POLA1: variants seen among roughly 807,000 people sequenced by gnomAD.
POLA1 encodes the protein DNA polymerase alpha 1, catalytic subunit, also known as DNA polymerase alpha catalytic subunit.
A neutral mutation model predicts 124.0 loss-of-function variants in POLA1; 15 were observed. The observed-to-expected ratio is 0.12, with a 90% CI of 0.08 to 0.19. POLA1 has a LOEUF of 0.19. Among genes scored for constraint, POLA1 ranks in the 10% least tolerant of loss-of-function variants. POLA1 has a pLI of 1.00. For synonymous variants in POLA1, 408 were observed against 389.4 expected (o/e 1.05, Z -0.56); for missense variants, 886 against 1,103.4 (o/e 0.80, Z 2.79).
At chrX:24,741,054 G>A (rs1477473000) in intron 20 of POLA1, among the ~76,000 whole-genome samples, 1 of 109,683 alleles carries the variant, frequency 9.1e-6, no homozygotes, top group South Asian at 4.0e-4. Flanking sequence ...ATGAATGAAA[G>A]GATTTAGGTA....
chrX:24,810,366 A>G (rs1434235296), intron 27 of POLA1, among the ~76,000 whole-genome samples: 1 of 111,683 alleles, frequency 9.0e-6, no homozygotes, highest in Non-Finnish European at 1.9e-5. Context: ...CATGTGGTAC[A>G]GTGGATAAAT....
At chrX:24,986,682 T>C (rs1358749625) in intron 36 of POLA1, among the ~76,000 whole-genome samples, 1 of 109,912 alleles carries the variant, frequency 9.1e-6, no homozygotes, top group Non-Finnish European at 1.9e-5. Flanking sequence ...AGGAGTATGA[T>C]CATGCCACTG....
chrX:24,975,578 C>T (rs1161413844), intron 36 of POLA1, among the ~76,000 whole-genome samples: 2 of 112,106 alleles, frequency 1.8e-5, no homozygotes, highest in African/African-American at 3.2e-5. Context: ...TCTGTGGTAA[C>T]ATCACACATC....
chrX:24,995,390 G>A (rs982048386), intron 36 of POLA1, among the ~76,000 whole-genome samples: 3 of 112,219 alleles, frequency 2.7e-5, no homozygotes, highest in Admixed American at 1.9e-4. Context: ...AGTTGGGGCT[G>A]GAAGGCACCA....
At chrX:24,955,385 T>G (rs774430876) in intron 36 of POLA1, among the ~76,000 whole-genome samples, 2 of 109,019 alleles carry the variant, frequency 1.8e-5, no homozygotes, top group East Asian at 2.9e-4. Flanking sequence ...TTGCCATGTT[T>G]CCCAGGCTGA....
At chrX:24,783,385 C>T (rs1045307181) in intron 26 of POLA1, among the ~76,000 whole-genome samples, 21 of 111,658 alleles carry the variant, frequency 1.9e-4, no homozygotes, top group African/African-American at 6.5e-4. Flanking sequence ...AGAGCCCTGT[C>T]ACCTGAATTA....
chrX:24,806,968 G>A (rs1403769807), intron 26 of POLA1, among the ~76,000 whole-genome samples: 1 of 111,881 alleles, frequency 8.9e-6, no homozygotes, highest in Non-Finnish European at 1.9e-5. Flanking sequence ...GGTGAAAAAA[G>A]CAGTTGCGGC....
intron 26 of POLA1, among the ~76,000 whole-genome samples, chrX:24,771,567 A>G (rs111230788): frequency 0.011 from 1,262 of 111,539 alleles, 19 homozygotes; most frequent in African/African-American, 0.039. Context: ...AGAAGATGGA[A>G]GACAAGGAGT....
chrX:24,864,387 TC>T (rs1901159953), intron 34 of POLA1, among the ~76,000 whole-genome samples: 2 of 112,365 alleles, frequency 1.8e-5, no homozygotes, highest in South Asian at 7.3e-4. Flanking sequence ...GTAGTTAGCA[TC>T]CTATCCTATT....
intron 26 of POLA1, among the ~76,000 whole-genome samples, chrX:24,754,319 G>A (rs771923379): frequency 9.2e-6 from 1 of 109,153 alleles, no homozygotes; most frequent in Admixed American, 9.7e-5. Context: ...GTGCAATGGC[G>A]TGATCTCGGC....
At chrX:24,932,972 C>T (rs1231211046) in intron 36 of POLA1, among the ~76,000 whole-genome samples, 2 of 111,729 alleles carry the variant, frequency 1.8e-5, no homozygotes, top group East Asian at 5.6e-4. Context: ...TAACACATGA[C>T]ATCTGATAAG....
chrX:24,851,013 A>G (rs1444535976), intron 34 of POLA1, among the ~76,000 whole-genome samples: 2 of 111,553 alleles, frequency 1.8e-5, no homozygotes, highest in Non-Finnish European at 3.8e-5. Flanking sequence ...TCCCTCTCAC[A>G]TCCATTTAGA....
chrX:24,713,109 C>T (rs1375799365), intron 4 of POLA1, among the ~76,000 whole-genome samples: 2 of 110,639 alleles, frequency 1.8e-5, no homozygotes, highest in Non-Finnish European at 3.8e-5. Context: ...GGATTACAGG[C>T]ATGCACCACC....
At chrX:24,962,700 C>G (rs753959971) in intron 36 of POLA1, among the ~76,000 whole-genome samples, 69 of 111,837 alleles carry the variant, frequency 6.2e-4, no homozygotes, top group South Asian at 1.5e-3. Flanking sequence ...ATGCTCTTCA[C>G]TATTCCATCT....
chrX:24,905,803 T>C (rs1384209182), intron 35 of POLA1, among the ~76,000 whole-genome samples: 8 of 111,670 alleles, frequency 7.2e-5, no homozygotes, highest in Non-Finnish European at 1.3e-4. Context: ...CCTCAGGTCA[T>C]CCACCTGCCT....
chrX:24,766,060 A>C (rs1344952880), intron 26 of POLA1, among the ~76,000 whole-genome samples: 1 of 112,552 alleles, frequency 8.9e-6, no homozygotes, highest in African/African-American at 3.2e-5. Flanking sequence ...ATAGTATTCC[A>C]TCATACAAAT....
intron 26 of POLA1, among the ~76,000 whole-genome samples, chrX:24,800,561 G>A (rs1212644189): frequency 8.9e-6 from 1 of 111,864 alleles, no homozygotes; most frequent in East Asian, 2.8e-4. Context: ...CCACTGTCCT[G>A]TGTCAGATAT....
chrX:24,987,535 G>A (rs1028630740), intron 36 of POLA1, among the ~76,000 whole-genome samples: 1 of 111,868 alleles, frequency 8.9e-6, no homozygotes, highest in Non-Finnish European at 1.9e-5. Context: ...TTACTGATCC[G>A]CTTACACTAA....
rs2047605344 is a variant in POLA1, at chrX:24,920,782, AGAAAGTGTC to A, written c.4165-9670_4165-9662del. 2.7e-5 allele frequency among the ~76,000 whole-genome samples: 3 copies of A among 112,101 alleles called. No homozygotes were observed. The South Asian group carries it at 1.1e-3, about 42-fold the overall frequency. ...TGCAAAGGAGAGTGCTCTGAAAACT[AGAAAGTGTC>A]AAATTGACATTAATCTATCATGCTG... On this transcript the variant is annotated intron_variant, in intron 35 of 36. Transcript: ENST00000379068.
Sources: allele counts gnomAD v4.1 joint callset (sites outside exome capture counted in the v4.1 genomes callset), GRCh38; gene constraint gnomAD v4.1.1; transcripts MANE v1.5; gene names NCBI Gene and HGNC (gene_info 2026-07-23, HGNC 2026-07-21).